The following SLC4A4 variants were observed in gnomAD, a reference collection of about 807,000 sequenced individuals.
SLC4A4 encodes the protein solute carrier family 4 member 4.
In SLC4A4, 27 loss-of-function variants were observed where a neutral mutation model predicts 111.5. That is an observed-to-expected ratio of 0.24 (90% CI 0.18 to 0.33). The LOEUF (loss-of-function observed/expected upper bound fraction) is 0.33, where lower values mean the gene tolerates loss of function less well. Among genes scored for constraint, SLC4A4 ranks in the 10% least tolerant of loss-of-function variants. SLC4A4 has a pLI of 1.00. For synonymous variants in SLC4A4, 443 were observed against 463.4 expected (o/e 0.96, Z 0.57); for missense variants, 909 against 1,315.5 (o/e 0.69, Z 4.78).
chr4:71,306,540 G>T (rs2060902), intron 3 of SLC4A4, among the ~76,000 whole-genome samples: 2 of 151,704 alleles, frequency 1.3e-5, no homozygotes, highest in African/African-American at 4.8e-5. Flanking sequence ...CTGAGATTGC[G>T]CCACTGCACT....
At chr4:71,107,985 C>A (rs564212704) in intron 2 of SLC4A4, among the ~76,000 whole-genome samples, 2 of 152,144 alleles carry the variant, frequency 1.3e-5, no homozygotes, top group African/African-American at 2.4e-5. Context: ...TTACATTTAA[C>A]ATCCTGAAGT....
chr4:71,072,690 T>G (rs182010244), intron 1 of SLC4A4, among the ~76,000 whole-genome samples: 1 of 152,268 alleles, frequency 6.6e-6, no homozygotes, highest in East Asian at 1.9e-4. Context: ...TTCATGATGT[T>G]GAATCTTTCT....
At chr4:71,235,074 A>G (rs1719710647) in intron 1 of SLC4A4, among the ~76,000 whole-genome samples, 2 of 152,186 alleles carry the variant, frequency 1.3e-5, no homozygotes, top group South Asian at 4.1e-4. Context: ...AAAGCCATCA[A>G]TGCATGGTTG....
chr4:71,227,616 T>C (rs981381297), intron 1 of SLC4A4, among the ~76,000 whole-genome samples: 2 of 152,136 alleles, frequency 1.3e-5, no homozygotes, highest in Non-Finnish European at 2.9e-5. Context: ...TTCCCTTTGC[T>C]CTTCTTTCCT....
chr4:71,539,842 A>T (rs1734886009), intron 18 of SLC4A4, among the ~76,000 whole-genome samples: 1 of 152,102 alleles, frequency 6.6e-6, no homozygotes, highest in Non-Finnish European at 1.5e-5. Context: ...CAATAAATAC[A>T]TGTTGATGAA....
chr4:71,318,132 G>A (rs1726834935), intron 3 of SLC4A4, among the ~76,000 whole-genome samples: 1 of 151,988 alleles, frequency 6.6e-6, no homozygotes, highest in Non-Finnish European at 1.5e-5. Flanking sequence ...AGAAGTATAA[G>A]TTTTGGAAGA....
chr4:71,497,749 A>G (rs1410521787), intron 16 of SLC4A4, 57 bp downstream of exon 16: 1 of 1,449,778 alleles, frequency 6.9e-7, no homozygotes, highest in African/African-American at 1.4e-5. Context: ...CAACAATAAT[A>G]CAACTTTACA....
At chr4:71,280,086 G>T (rs911580511) in intron 3 of SLC4A4, among the ~76,000 whole-genome samples, 40 of 152,300 alleles carry the variant, frequency 2.6e-4, no homozygotes, top group African/African-American at 9.6e-4. Flanking sequence ...GAGCCACCCT[G>T]CCCGGCCAAT....
chr4:71,566,953 T>C lies in SLC4A4; in HGVS notation c.3197-51T>C, dbSNP rs1294958104. On this transcript the variant is annotated intron_variant, in intron 24 of 25. Transcript: ENST00000264485. ...CAATTTTGTGAAGATTTTTGTTTTA[T>C]ACTTCACCAAAGATCTACCATTTAT... 2.7e-6 allele frequency: 4 copies of C among 1,471,708 alleles called. No individual in the cohort carries two copies. In the South Asian group the frequency reaches 3.5e-5, roughly 13 times the overall value. The allele number at this position is 1,471,708 out of a possible 1,614,324, so 91.2% of individuals were successfully genotyped here.
chr4:71,532,345 A>T (rs1734008978), intron 17 of SLC4A4, among the ~76,000 whole-genome samples, 170 bp downstream of exon 17: 1 of 152,128 alleles, frequency 6.6e-6, no homozygotes, highest in Non-Finnish European at 1.5e-5. Context: ...TTTCTTCACT[A>T]CAATTAAATG....
chr4:71,501,165 A>G (rs995652615), intron 16 of SLC4A4, among the ~76,000 whole-genome samples: 1 of 152,010 alleles, frequency 6.6e-6, no homozygotes, highest in Admixed American at 6.5e-5. Flanking sequence ...AGTATAGCAC[A>G]TTCACCTCCC....
Position 71,472,740 on chromosome 4 carries a change from G to A in SLC4A4, c.1673G>A (p.Gly558Asp). The change falls in exon 14 of 26, where the codon GGC becomes GAC. Residue 558 changes from glycine (G) to aspartate (D), a missense_variant. Around this residue, in one of 7 missense-constraint regions of SLC4A4, gnomAD observed 264 missense variants for 356.8 expected, o/e 0.74. Coordinates refer to ENST00000264485, the MANE Select transcript of SLC4A4 (RefSeq NM_001098484.3). ...FDYLEFRLWIGLWSAFLCLIL... is the reference protein window; with the variant it reads ...FDYLEFRLWIDLWSAFLCLIL... ...TATTTGGAGTTTCGCCTTTGGATTGGCCTGTGGTCCGCCTTCCTATGTCTC... is the reference window on the plus strand; with the variant it reads ...TATTTGGAGTTTCGCCTTTGGATTGACCTGTGGTCCGCCTTCCTATGTCTC... 6.2e-7 allele frequency: 1 copy of A among 1,612,774 alleles called. No individual in the cohort carries two copies. Among genetic ancestry groups the A allele is most frequent in the Non-Finnish European group, 8.5e-7 (1 of 1,179,236 alleles).
At chr4:71,513,056 G>T (rs1732071116) in intron 16 of SLC4A4, among the ~76,000 whole-genome samples, 1 of 152,166 alleles carries the variant, frequency 6.6e-6, no homozygotes. Flanking sequence ...CTTGAAGTCA[G>T]ATAATGTGAT....
intron 7 of SLC4A4, among the ~76,000 whole-genome samples, chr4:71,428,590 GC>G (rs1222326822): frequency 6.6e-6 from 1 of 152,014 alleles, no homozygotes; most frequent in Non-Finnish European, 1.5e-5. Context: ...AAAAATAAGA[GC>G]TGAAAATACC....
intron 3 of SLC4A4, among the ~76,000 whole-genome samples, chr4:71,270,636 G>A (rs796437859): frequency 3.3e-5 from 5 of 152,234 alleles, no homozygotes; most frequent in African/African-American, 9.6e-5. Context: ...AACCCAAACT[G>A]AACTTAAAAA....
intron 15 of SLC4A4, among the ~76,000 whole-genome samples, chr4:71,492,712 A>G (rs958440180): frequency 5.3e-5 from 8 of 152,004 alleles, no homozygotes; most frequent in African/African-American, 9.7e-5. Context: ...AGAAATGCAC[A>G]TCTAAAGTTT....
chr4:71,077,033 T>C (rs530643637), intron 1 of SLC4A4, among the ~76,000 whole-genome samples: 29 of 149,202 alleles, frequency 1.9e-4, no homozygotes, highest in Non-Finnish European at 3.6e-4. Flanking sequence ...CACATATACA[T>C]ATATGTAAAA....
chr4:71,401,532 G>A (rs1167679356), intron 7 of SLC4A4, among the ~76,000 whole-genome samples: 1 of 152,028 alleles, frequency 6.6e-6, no homozygotes, highest in Non-Finnish European at 1.5e-5. Flanking sequence ...ATCTAATTAT[G>A]TTTCTTGATT....
intron 3 of SLC4A4, among the ~76,000 whole-genome samples, chr4:71,306,713 C>T (rs1387032816): frequency 6.6e-6 from 1 of 152,136 alleles, no homozygotes; most frequent in Non-Finnish European, 1.5e-5. Context: ...TTTTATTTTT[C>T]ATTTTGATAC....
Sources: gnomAD v4.1 joint callset for allele counts (sites outside exome capture counted in the v4.1 genomes callset) on GRCh38, gnomAD v4.1.1 for gene constraint, gnomAD v4.1.1 regional missense constraint, MANE v1.5 for transcripts, NCBI Gene and HGNC (gene_info 2026-07-23, HGNC 2026-07-21) for gene names.